The following NOL6 variants were observed in gnomAD, a reference collection of about 807,000 sequenced individuals.
NOL6 encodes nucleolar protein 6.
Under a neutral mutation model 131.7 loss-of-function variants are expected in NOL6, and 33 were observed. That is an observed-to-expected ratio of 0.25 (90% CI 0.19 to 0.33). The LOEUF (loss-of-function observed/expected upper bound fraction) is 0.33. Among genes scored for constraint, NOL6 ranks in the 10% least tolerant of loss-of-function variants. The pLI is 1.00. For synonymous variants in NOL6, 580 were observed against 605.7 expected, an observed-to-expected ratio of 0.96 and a Z score of 0.62; for missense variants, 1,297 against 1,494.5, an observed-to-expected ratio of 0.87 and a Z score of 2.18.
chr9:33,463,214 C>T (rs774090775), intron 24 of NOL6, 33 bp downstream of exon 24: 6 of 1,610,320 alleles, frequency 3.7e-6, no homozygotes, highest in South Asian at 2.2e-5. Flanking sequence ...CTGGAAGTCC[C>T]CTCCCCAGGT....
At chr9:33,470,692 A>C (rs1392664732) in intron 3 of NOL6, 1 of 152,152 alleles carries the variant, frequency 6.6e-6, no homozygotes, top group Non-Finnish European at 1.5e-5. Context: ...CTCAAAAAAA[A>C]AAAGAATACC....
intron 1 of NOL6, among the ~76,000 whole-genome samples, chr9:33,472,866 G>A (rs1455671217): frequency 3.3e-5 from 5 of 151,804 alleles, no homozygotes; most frequent in Non-Finnish European, 5.9e-5. Context: ...TCAGCTACGC[G>A]GGAGACTGAG....
chr9:33,470,093 C>T lies in NOL6; in HGVS notation c.477G>A (p.Gln159=). 9 of 1,613,178 alleles carry T rather than the reference C, an allele frequency of 5.6e-6. No individual in the cohort carries two copies. Among genetic ancestry groups the T allele is most frequent in the East Asian group, 2.2e-5 (1 of 44,834 alleles). The part of the protein sequence containing the change: ...KGCFRFLPPA[Q]VTVVGSYLLG... The stretch of plus-strand genomic sequence containing the variant: ...GAAGGTAGCTGCCCACAACAGTAAC[C>T]TGGGCTGGGGGCAGGAAGCGGAAAC... The change falls in exon 4 of 26, where the codon CAG becomes CAA. Residue 159 remains glutamine, a synonymous_variant. Coordinates refer to ENST00000297990, the MANE Select transcript of NOL6 (RefSeq NM_022917.5).
rs1352770837 is a variant in NOL6 at position 33,463,097 on chromosome 9, T to C, written c.3227A>G (p.Gln1076Arg). 3.1e-6 allele frequency: 5 copies of C among 1,613,804 alleles called. No homozygotes were observed. Residue 1076 changes from glutamine to arginine, a missense_variant, in exon 25 of 26, where the codon CAG (glutamine) becomes CGG (arginine). By Grantham distance (43) the Gln-to-Arg change is conservative. Transcript: ENST00000297990. The stretch of plus-strand genomic sequence containing the variant: ...GACACCAATCACCTCTCCACCATGC[T>C]GGTCATAGAAGAAAAGGGCCAGATC... Reference protein sequence around the residue: ...FGDLALFFYDQHGGEVIGVLW... With the variant: ...FGDLALFFYDRHGGEVIGVLW...
At chr9:33,471,677 C>T (rs1406664998) in intron 3 of NOL6, among the ~76,000 whole-genome samples, 2 of 152,208 alleles carry the variant, frequency 1.3e-5, no homozygotes, top group African/African-American at 2.4e-5. Flanking sequence ...TTACATTGCT[C>T]GTCCTACTTT....
Position 33,465,693 on chromosome 9 carries a change from G to A in NOL6, c.2528+41C>T, listed in dbSNP as rs760096138. The stretch of plus-strand genomic sequence containing the variant: ...CTAGGTGAGGAGAATGGGGGCAGGA[G>A]GGGGCCTACAGACAGGAAGAAGCTG... On this transcript the variant is annotated intron_variant, in intron 19 of 25. Transcript: ENST00000297990. 9 of 1,589,968 alleles carry A rather than the reference G, an allele frequency of 5.7e-6. No individual in the cohort carries two copies. The African/African-American group carries it at 1.1e-4, about 19-fold the overall frequency.
Position 33,467,054 on chromosome 9 carries a change from G to C in NOL6, c.1874+60C>G. 6.2e-7 allele frequency: 1 copy of C among 1,613,348 alleles called. No individual in the cohort carries two copies. The highest frequency in any genetic ancestry group is 8.5e-7 in the Non-Finnish European group (1 of 1,179,404). On this transcript the variant is annotated intron_variant, in intron 14 of 25. Coordinates refer to ENST00000297990, the MANE Select transcript of NOL6 (RefSeq NM_022917.5). This position sits in a 1 kb window ranked among gnomAD's most constrained non-coding sequence, Gnocchi z 4.4. ...TGTTCTCGCTCAACTGCCTGGGCCA[G>C]ACCCCTGAAAAGGCTCCCCAGCCCA...
intron 8 of NOL6, 66 bp from the exon 9 acceptor site, chr9:33,468,632 C>T (rs972193747): frequency 3.7e-6 from 6 of 1,607,170 alleles, no homozygotes; most frequent in Non-Finnish European, 5.1e-6. Context: ...ATGACACCCT[C>T]CCTCAGCCGA....
In NOL6 at chr9:33,466,176, G is replaced by A. The variant is rs907570443; in HGVS notation, c.2259C>T (p.Ala753=). The change falls in exon 18 of 26, where the codon GCC becomes GCT. Residue 753 remains alanine, a synonymous_variant. Coordinates refer to ENST00000297990, the MANE Select transcript of NOL6 (RefSeq NM_022917.5). Reference sequence around the variant, plus strand: ...GGAAGGCAGCTCGGACCCGCTGCACGGCCTCAGCGTCCTGTGGCCACTGGC... The same window carrying A: ...GGAAGGCAGCTCGGACCCGCTGCACAGCCTCAGCGTCCTGTGGCCACTGGC... ...GSGQWPQDAE[A]VQRVRAAFQL... 3.7e-6 allele frequency: 6 copies of A among 1,612,954 alleles called. No individual in the cohort carries two copies. The highest frequency in any genetic ancestry group is 3.3e-5 in the Admixed American group (2 of 59,954).
In NOL6 at chr9:33,468,531, A is replaced by G. The variant is rs1827313702; in HGVS notation, c.1183T>C (p.Cys395Arg). 6.2e-7 allele frequency: 1 copy of G among 1,614,082 alleles called. No individual in the cohort carries two copies. The highest frequency in any genetic ancestry group is 1.3e-5 in the African/African-American group (1 of 74,912). Residue 395 changes from cysteine to arginine, a missense_variant, in exon 9 of 26, where the codon TGT (cysteine) becomes CGT (arginine). Coordinates refer to ENST00000297990, the MANE Select transcript of NOL6 (RefSeq NM_022917.5). ...TDLTVNGISL[C>R]LSSDPSLPAL... ...ACCAAAGAGGGATCTGAGCTGAGAC[A>G]TAAACTGATCCCGTTGACTGTCAGG... is the stretch of plus-strand genomic sequence containing the variant.
chr9:33,466,906 C>T lies in NOL6; in HGVS notation c.1950+6G>A. On this transcript the variant is annotated splice_donor_region_variant and intron_variant, in intron 15 of 25. Coordinates refer to ENST00000297990, the MANE Select transcript of NOL6 (RefSeq NM_022917.5). ...CAATCACTAGCCTTGACCCCAAGAC[C>T]CTTACCTCTTTCAGGCCTTGGATAA... 2 of 1,613,742 alleles carry T rather than the reference C, an allele frequency of 1.2e-6. No individual in the cohort carries two copies. The highest frequency in any genetic ancestry group is 8.5e-7 in the Non-Finnish European group (1 of 1,179,858).
rs1827249072 is a variant in NOL6 at position 33,466,572 on chromosome 9, T to C, written c.2088A>G (p.Thr696=). 6.2e-7 allele frequency: 1 copy of C among 1,613,954 alleles called. No homozygotes were observed. The highest frequency in any genetic ancestry group is 1.3e-5 in the African/African-American group (1 of 74,922). ...CACCTGCACCGTTGCACCTCACCTC[T>C]GTGTAGCGCAGCACTGGGTGAGCTC... ...VQGAHPVLRY[T]EVFPPTPVRP... is the part of the protein sequence containing the mutation. Residue 696 remains threonine (T), a synonymous_variant, in exon 16 of 26, where the codon ACA becomes ACG. Coordinates refer to ENST00000297990, the MANE Select transcript of NOL6 (RefSeq NM_022917.5).
rs1267997580 is a variant in NOL6 at position 33,468,813 on chromosome 9, T to C, written c.1086A>G (p.Thr362=). The C allele has an allele frequency of 6.2e-7, 1 of 1,614,078 alleles. No individual in the cohort carries two copies. Among genetic ancestry groups the C allele is most frequent in the East Asian group, 2.2e-5 (1 of 44,876 alleles). The change falls in exon 8 of 26, where the codon ACA becomes ACG. Residue 362 remains threonine, a synonymous_variant. Coordinates refer to ENST00000297990, the MANE Select transcript of NOL6 (RefSeq NM_022917.5). ...CACTCATGGTGGTATGGATCTTGCG[T>C]GTAGACACAAGGAAGACAACCAGCA... ...VSMLVVFLVS[T]RKIHTTMSGY...
chr9:33,462,303 T>C lies in NOL6; in HGVS notation c.*361A>G, dbSNP rs1189903918. 9 of 702,886 alleles carry C rather than the reference T, an allele frequency of 1.3e-5. No homozygotes were observed. The Admixed American group carries it at 1.6e-4, about 13-fold the overall frequency. 43.5% of individuals were successfully genotyped at this position (702,886 alleles called of 1,614,324 possible). A position where few individuals can be genotyped will look rare whatever the true frequency, so the allele number is the denominator to read the frequency against. ...AGACAGAGCCTCTCCCAGGCACACA[T>C]CCCCTTCTCTGTTTCTGGAAGAAGA... On this transcript the variant is annotated 3_prime_UTR_variant, in exon 26 of 26. Coordinates refer to ENST00000297990, the MANE Select transcript of NOL6 (RefSeq NM_022917.5).
rs553468630 is a variant in NOL6 at position 33,463,439 on chromosome 9, T to C, written c.2997A>G (p.Thr999=). The part of the protein sequence containing the change: ...MDPRGPGDIR[T]VFRPPLDIYD... Reference sequence around the variant, plus strand: ...AAATGTCCAAGGGCGGCCGGAACACTGTCTAAGGAAGGGGAGAAGGAGGGG... The same window carrying C: ...AAATGTCCAAGGGCGGCCGGAACACCGTCTAAGGAAGGGGAGAAGGAGGGG... Residue 999 remains threonine, a splice_region_variant and synonymous_variant, in exon 24 of 26, where the codon ACA becomes ACG. Transcript: ENST00000297990. 4 of 1,604,512 alleles carry C rather than the reference T, an allele frequency of 2.5e-6. No homozygotes were observed. The highest frequency in any genetic ancestry group is 2.7e-5 in the African/African-American group (2 of 73,362).
Position 33,464,077 on chromosome 9 carries a change from C to T in NOL6, c.2864G>A (p.Arg955His), listed in dbSNP as rs750316620. The T allele has an allele frequency of 1.4e-5, 23 of 1,613,442 alleles. No homozygotes were observed. Among genetic ancestry groups the T allele is most frequent in the Middle Eastern group, 1.6e-4 (1 of 6,072 alleles). The change falls in exon 22 of 26, where the codon CGC (arginine) becomes CAC (histidine). Residue 955 changes from arginine to histidine, a missense_variant. Transcript: ENST00000297990. Reference sequence around the variant, plus strand: ...ATCCTGTGTCCACACAGAGTTTTTGCGGTCTTGGGGGGTAACAATGACCAT... The same window carrying T: ...ATCCTGTGTCCACACAGAGTTTTTGTGGTCTTGGGGGGTAACAATGACCAT... ...PVMVIVTPQDRKNSVWTQDGP... is the reference protein window; with the variant it reads ...PVMVIVTPQDHKNSVWTQDGP...
At chr9:33,469,968 G>A (rs1478745192) in intron 4 of NOL6, 44 bp downstream of exon 4, 1 of 1,488,430 alleles carries the variant, frequency 6.7e-7, no homozygotes, top group African/African-American at 1.4e-5. Flanking sequence ...GGATTTGTAG[G>A]TAGTCAGGTG....
At position 33,464,012 on chromosome 9, in the gene NOL6, T is replaced by C. The variant is rs376344837; in HGVS notation, c.2904+25A>G. ...TTTTCCTTGGGAAGAAAACCACACA[T>C]TAGGGGGCAGGTATGGGGTTGAACC... On this transcript the variant is annotated intron_variant, in intron 22 of 25. Transcript: ENST00000297990. The C allele has an allele frequency of 3.7e-6, 6 of 1,612,560 alleles. No individual in the cohort carries two copies. The African/African-American group carries it at 8.0e-5, about 22-fold the overall frequency.
At position 33,466,295 on chromosome 9, in the gene NOL6, A is replaced by G; in HGVS notation, c.2209+13T>C. The G allele has an allele frequency of 6.2e-7, 1 of 1,613,932 alleles. No individual in the cohort carries two copies. The highest frequency in any genetic ancestry group is 2.2e-5 in the East Asian group (1 of 44,868). ...GAACTATCCCTCCCACTCCCTCCCA[A>G]GGGCCCTCTTACCGGTCATGGGCTC... On this transcript the variant is annotated intron_variant, in intron 17 of 25. Transcript: ENST00000297990.
Sources: allele counts gnomAD v4.1 joint callset (sites outside exome capture counted in the v4.1 genomes callset), GRCh38; gene constraint gnomAD v4.1.1; non-coding constraint Gnocchi (gnomAD v3.1); transcripts MANE v1.5; gene names NCBI Gene and HGNC (gene_info 2026-07-23, HGNC 2026-07-21).